The following BMPER variants were observed in gnomAD, a reference collection of about 807,000 sequenced individuals.
BMPER encodes the protein BMP-binding endothelial regulator protein.
In BMPER, 45 loss-of-function variants were observed where a neutral mutation model predicts 87.3. The ratio of observed to expected loss-of-function variants is 0.52; its 90% CI spans 0.41 to 0.66. The LOEUF (loss-of-function observed/expected upper bound fraction) is 0.66. Among genes scored for constraint, BMPER ranks in the 30% least tolerant of loss-of-function variants. BMPER has a pLI of 0.00. For synonymous variants in BMPER, 326 were observed against 316.2 expected (o/e 1.03, Z -0.33); for missense variants, 784 against 867.5 (o/e 0.90, Z 1.21).
chr7:34,146,444 A>G (rs1562772331), intron 14 of BMPER, among the ~76,000 whole-genome samples: 1 of 151,836 alleles, frequency 6.6e-6, no homozygotes, highest in South Asian at 2.1e-4. Flanking sequence ...CTAATTTAGC[A>G]TGGGAATTAC....
chr7:33,994,481 G>A (rs1036517048), intron 6 of BMPER, among the ~76,000 whole-genome samples: 15 of 152,250 alleles, frequency 9.9e-5, no homozygotes, highest in African/African-American at 3.1e-4. Flanking sequence ...GCTTTGGCTC[G>A]CGCATGGTGC....
intron 6 of BMPER, among the ~76,000 whole-genome samples, chr7:34,014,022 C>T (rs1394565277): frequency 6.6e-6 from 1 of 151,988 alleles, no homozygotes; most frequent in East Asian, 1.9e-4. Context: ...TGCCTCTTCT[C>T]TGATTACTTT....
rs772354853 is a variant in BMPER, at chr7:34,153,186, G to A, written c.1971G>A (p.Lys657=). The part of the protein sequence containing the change: ...DNWNEIGPCN[K]PCVAGCHCPA... ...GGAATGAAATTGGTCCATGCAACAA[G>A]CCGTGCGTTGCTGGGTGCCACTGTC... The change falls in exon 15 of 15, where the codon AAG becomes AAA. Residue 657 remains lysine, a synonymous_variant. Coordinates refer to ENST00000649409, the MANE Select transcript of BMPER (RefSeq NM_001365308.1). 6.2e-7 allele frequency: 1 copy of A among 1,613,984 alleles called. No individual in the cohort carries two copies. Among genetic ancestry groups the A allele is most frequent in the South Asian group, 1.1e-5 (1 of 91,074 alleles).
rs185304599 is a variant in BMPER at position 33,941,693 on chromosome 7, G to A, written c.319+4305G>A. ...AATGCTGCAGCTGATCTGACAGGAG[G>A]CGGAGCTCAGGCGGTGATGTGAGCG... On this transcript the variant is annotated intron_variant, in intron 3 of 14. Coordinates refer to ENST00000649409, the MANE Select transcript of BMPER (RefSeq NM_001365308.1). 1.1e-3 allele frequency among the ~76,000 whole-genome samples: 171 copies of A among 152,290 alleles called. 4 individuals carry two copies. In the East Asian group the frequency reaches 0.019, roughly 17 times the overall value.
Position 33,912,228 on chromosome 7 carries a change from T to C in BMPER, c.219+5325T>C, listed in dbSNP as rs181331915. Among the ~76,000 whole-genome samples, 203 of 152,346 alleles carry C rather than the reference T, an allele frequency of 1.3e-3. 3 individuals carry two copies. Among genetic ancestry groups the C allele is most frequent in the South Asian group, 1.0e-3 (5 of 4,832 alleles). On this transcript the variant is annotated intron_variant, in intron 2 of 14. Transcript: ENST00000649409. ...ATGCCTGTGGGGTCACCTTCACTTG[T>C]ACTTTTATTGGCAGAGGGATTGGGT...
intron 8 of BMPER, among the ~76,000 whole-genome samples, chr7:34,053,164 G>C (rs1392508779): frequency 6.6e-6 from 1 of 152,142 alleles, no homozygotes; most frequent in Non-Finnish European, 1.5e-5. Context: ...GAGATGATTA[G>C]GTAATACGTC....
intron 11 of BMPER, among the ~76,000 whole-genome samples, chr7:34,073,181 A>G (rs1788780723): frequency 6.6e-6 from 1 of 152,182 alleles, no homozygotes; most frequent in Non-Finnish European, 1.5e-5. Context: ...TTACAGCAGT[A>G]ATACTTTTTG....
intron 13 of BMPER, among the ~76,000 whole-genome samples, chr7:34,108,190 G>A (rs139669463): frequency 1.8e-4 from 28 of 152,320 alleles, no homozygotes; most frequent in African/African-American, 6.7e-4. Flanking sequence ...GCTATTGACG[G>A]GTTAATGGAG....
chr7:34,013,736 G>T (rs2127942504), intron 6 of BMPER, among the ~76,000 whole-genome samples: 2 of 151,798 alleles, frequency 1.3e-5, no homozygotes, highest in South Asian at 4.2e-4. Context: ...TTTTTGTGAG[G>T]GTTAAGTTTG....
At chr7:33,996,032 GA>G (rs942145088) in intron 6 of BMPER, among the ~76,000 whole-genome samples, 4 of 152,214 alleles carry the variant, frequency 2.6e-5, no homozygotes, top group African/African-American at 9.6e-5. Flanking sequence ...ACAATACCCA[GA>G]AACCCTCTGT....
At chr7:34,139,564 G>A (rs1262265458) in intron 13 of BMPER, among the ~76,000 whole-genome samples, 3 of 152,200 alleles carry the variant, frequency 2.0e-5, no homozygotes, top group Non-Finnish European at 4.4e-5. Context: ...AAGGAATCAG[G>A]CCTATGTAGA....
At position 33,918,830 on chromosome 7, in the gene BMPER, AGAT is replaced by A. The variant is rs147568108; in HGVS notation, c.219+11930_219+11932del. Among the ~76,000 whole-genome samples the A allele has an allele frequency of 8.7e-3, 1,321 of 152,344 alleles. 16 individuals carry two copies. The highest frequency in any genetic ancestry group is 0.03 in the African/African-American group (1,230 of 41,570). Reference sequence around the variant, plus strand: ...GCTAGCCGCAGCTCCATTAGCACATAGATGAGTACCAGGATGAAATTCCTTGTC... The same window carrying A: ...GCTAGCCGCAGCTCCATTAGCACATAGAGTACCAGGATGAAATTCCTTGTC... On this transcript the variant is annotated intron_variant, in intron 2 of 14. Transcript: ENST00000649409.
chr7:34,130,106 C>G (rs1474212770), intron 13 of BMPER, among the ~76,000 whole-genome samples: 1 of 152,126 alleles, frequency 6.6e-6, no homozygotes, highest in Non-Finnish European at 1.5e-5. Flanking sequence ...CCCAAACCCT[C>G]CATCTCTTTA....
chr7:34,022,917 T>C (rs758436972), intron 6 of BMPER, among the ~76,000 whole-genome samples: 4 of 151,962 alleles, frequency 2.6e-5, no homozygotes, highest in Non-Finnish European at 5.9e-5. Flanking sequence ...ACATATCTCC[T>C]GTCATGGAGG....
intron 6 of BMPER, among the ~76,000 whole-genome samples, chr7:34,000,311 G>T (rs6980312): frequency 1.3e-5 from 2 of 151,854 alleles, no homozygotes; most frequent in South Asian, 4.1e-4. Context: ...AAATTTGGAC[G>T]GTGTTTTTAG....
At chr7:34,106,122 A>C (rs62451677) in intron 13 of BMPER, among the ~76,000 whole-genome samples, 3,703 of 152,258 alleles carry the variant, frequency 0.024, 33 homozygotes, top group African/African-American at 0.038. Context: ...CACTCCAGAC[A>C]TTTCCAGGGC....
At chr7:34,071,178 CTA>C (rs1788727738) in intron 11 of BMPER, among the ~76,000 whole-genome samples, 1 of 152,148 alleles carries the variant, frequency 6.6e-6, no homozygotes, top group East Asian at 1.9e-4. Flanking sequence ...TTCAACAAAT[CTA>C]TACTTTCTAA....
At chr7:33,945,322 C>T (rs927577820) in intron 3 of BMPER, among the ~76,000 whole-genome samples, 5 of 144,762 alleles carry the variant, frequency 3.5e-5, no homozygotes, top group African/African-American at 5.2e-5. Flanking sequence ...GCAATCTTGG[C>T]TCACTGCAAC....
chr7:34,139,046 C>G (rs1280823580), intron 13 of BMPER, among the ~76,000 whole-genome samples: 1 of 152,214 alleles, frequency 6.6e-6, no homozygotes, highest in Non-Finnish European at 1.5e-5. Context: ...AGATTTTCCT[C>G]ACACTGAATT....
Sources: allele counts gnomAD v4.1 joint callset (sites outside exome capture counted in the v4.1 genomes callset), GRCh38; gene constraint gnomAD v4.1.1; transcripts MANE v1.5; gene names NCBI Gene and HGNC (gene_info 2026-07-23, HGNC 2026-07-21).